The following ARHGAP12 variants were observed in gnomAD, a reference collection of about 807,000 sequenced individuals.
The protein encoded by ARHGAP12 is Rho GTPase activating protein 12.
ARHGAP12 carries 64 observed loss-of-function variants against 108.6 expected under a neutral mutation model. That is an observed-to-expected ratio of 0.59 (90% CI 0.48 to 0.73). The LOEUF (loss-of-function observed/expected upper bound fraction) is 0.73, where lower values mean the gene tolerates loss of function less well. Ranked by LOEUF, ARHGAP12 falls within the 30% of genes least tolerant of loss-of-function variation. The pLI is 0.00. For missense variants in ARHGAP12, 940 were observed against 1,005.9 expected (o/e 0.93, Z 0.89); for synonymous variants, 312 against 337.2 (o/e 0.93, Z 0.82).
intron 4 of ARHGAP12, among the ~76,000 whole-genome samples, chr10:31,859,476 C>T (rs1564394706): frequency 1.7e-5 from 2 of 118,670 alleles, no homozygotes; most frequent in Non-Finnish European, 2.0e-5. Context: ...TTTTCATACA[C>T]ACATAGTTTC....
intron 11 of ARHGAP12, among the ~76,000 whole-genome samples, chr10:31,821,205 T>C (rs1835404484): frequency 6.6e-6 from 1 of 152,142 alleles, no homozygotes; most frequent in Non-Finnish European, 1.5e-5. Context: ...CTATAAAGCA[T>C]CAGCAATTTA....
chr10:31,884,824 A>T (rs1280630759), intron 3 of ARHGAP12, among the ~76,000 whole-genome samples: 1 of 152,244 alleles, frequency 6.6e-6, no homozygotes, highest in Non-Finnish European at 1.5e-5. Flanking sequence ...TAAGCTCATG[A>T]CAACAAATCT....
rs1318759377 is a variant in ARHGAP12 at position 31,820,303 on chromosome 10, G to A, written c.1632+84C>T. On this transcript the variant is annotated intron_variant, in intron 12 of 19. Transcript: ENST00000344936. ...TTTGCCTTAACTAGTCACAATGAAAGACTATTTCCCAAAATAGCTCAAAAA... is the reference window on the plus strand; with the variant it reads ...TTTGCCTTAACTAGTCACAATGAAAAACTATTTCCCAAAATAGCTCAAAAA... The A allele has an allele frequency of 3.7e-6, 4 of 1,083,970 alleles. No homozygotes were observed. The East Asian group carries it at 1.1e-4, about 30-fold the overall frequency. The allele number at this position is 1,083,970 out of a possible 1,614,324, so 67.1% of individuals were successfully genotyped here.
chr10:31,920,706 T>C (rs1027867725), intron 1 of ARHGAP12, among the ~76,000 whole-genome samples: 2 of 152,130 alleles, frequency 1.3e-5, no homozygotes, highest in African/African-American at 4.8e-5. Flanking sequence ...ACAATAACAG[T>C]GCTGGCAAGT....
chr10:31,920,105 CAA>C (rs568653205), intron 1 of ARHGAP12, among the ~76,000 whole-genome samples: 11 of 113,766 alleles, frequency 9.7e-5, no homozygotes, highest in African/African-American at 9.9e-5. Flanking sequence ...GACTCTGTCT[CAA>C]AAAAAAAAAA....
At chr10:31,834,295 T>C (rs1380680545) in intron 9 of ARHGAP12, among the ~76,000 whole-genome samples, 1 of 152,208 alleles carries the variant, frequency 6.6e-6, no homozygotes, top group Admixed American at 6.5e-5. Flanking sequence ...TCAAATGTAA[T>C]GATACCTGGA....
At chr10:31,834,300 C>A (rs11008670) in intron 9 of ARHGAP12, among the ~76,000 whole-genome samples, 3 of 152,012 alleles carry the variant, frequency 2.0e-5, no homozygotes, top group Non-Finnish European at 4.4e-5. Flanking sequence ...TGTAATGATA[C>A]CTGGAGGTGG....
At chr10:31,811,335 CA>C (rs2132139679) in intron 15 of ARHGAP12, among the ~76,000 whole-genome samples, 1 of 152,318 alleles carries the variant, frequency 6.6e-6, no homozygotes, top group Non-Finnish European at 1.5e-5. Context: ...CACGTACCAA[CA>C]TTTGATTTCA....
At chr10:31,860,213 T>C (rs1050970742) in intron 4 of ARHGAP12, among the ~76,000 whole-genome samples, 3 of 152,226 alleles carry the variant, frequency 2.0e-5, no homozygotes, top group African/African-American at 7.2e-5. Flanking sequence ...AGTTATTAAC[T>C]ACAAAAAGCT....
chr10:31,889,974 T>C (rs1838351460), intron 3 of ARHGAP12, among the ~76,000 whole-genome samples: 1 of 152,178 alleles, frequency 6.6e-6, no homozygotes, highest in South Asian at 2.1e-4. Flanking sequence ...TACATACTTG[T>C]ACTTAGTCAT....
intron 4 of ARHGAP12, among the ~76,000 whole-genome samples, chr10:31,855,342 A>G (rs1836848686): frequency 6.6e-6 from 1 of 152,186 alleles, no homozygotes; most frequent in Non-Finnish European, 1.5e-5. Context: ...TTATTAGGTT[A>G]GCACTCATGT....
At position 31,831,627 on chromosome 10, in the gene ARHGAP12, A is replaced by C. The variant is rs572319649; in HGVS notation, c.1448+112T>G. On this transcript the variant is annotated intron_variant, in intron 10 of 19. Transcript: ENST00000344936. ...TTACATATATGATTACATAGAAAAC[A>C]AATGGTGAGAGATTCTTCAGCACCT... is the stretch of plus-strand genomic sequence containing the variant. The C allele has an allele frequency of 1.3e-5, 8 of 639,814 alleles. No individual in the cohort carries two copies. The South Asian group carries it at 2.0e-4, about 16-fold the overall frequency. 39.6% of individuals were successfully genotyped at this position (639,814 alleles called of 1,614,324 possible).
intron 13 of ARHGAP12, among the ~76,000 whole-genome samples, chr10:31,816,168 C>CGTGTATGT (rs1835194719): frequency 7.3e-6 from 1 of 136,330 alleles, no homozygotes; most frequent in African/African-American, 2.8e-5. Context: ...AAGAAAGAAA[C>CGTGTATGT]GTGTGTGTGT....
At chr10:31,847,723 G>T (rs1309879393) in intron 6 of ARHGAP12, among the ~76,000 whole-genome samples, 2 of 152,052 alleles carry the variant, frequency 1.3e-5, no homozygotes, top group African/African-American at 2.4e-5. Flanking sequence ...TGCACTGTGG[G>T]TCTAGTCAAC....
Position 31,809,279 on chromosome 10 carries a change from T to C in ARHGAP12, c.2079A>G (p.Val693=). The C allele has an allele frequency of 1.2e-6, 2 of 1,613,928 alleles. No homozygotes were observed. Among genetic ancestry groups the C allele is most frequent in the Non-Finnish European group, 1.7e-6 (2 of 1,179,842 alleles). The part of the protein sequence containing the change: ...HGLDIDGIYR[V]SGNLAVIQKL... ...TCTGGATCACTGCGAGGTTGCCACTTACTCTGTATATCCCATCAATATCCA... is the reference window on the plus strand; with the variant it reads ...TCTGGATCACTGCGAGGTTGCCACTCACTCTGTATATCCCATCAATATCCA... Residue 693 remains valine, a synonymous_variant, in exon 17 of 20, where the codon GTA becomes GTG. Coordinates refer to ENST00000344936, the MANE Select transcript of ARHGAP12 (RefSeq NM_018287.7).
chr10:31,918,633 G>C (rs1839664614), intron 1 of ARHGAP12, among the ~76,000 whole-genome samples: 1 of 152,180 alleles, frequency 6.6e-6, no homozygotes, highest in South Asian at 2.1e-4. Flanking sequence ...CTCAAGCCTG[G>C]AAGTTGAGGC....
chr10:31,881,331 G>A (rs1837948814), intron 3 of ARHGAP12, among the ~76,000 whole-genome samples: 1 of 151,874 alleles, frequency 6.6e-6, no homozygotes, highest in South Asian at 2.1e-4. Flanking sequence ...AGGAATAAAT[G>A]TCCTGGGCCC....
chr10:31,829,325 G>A (rs1408147904), intron 10 of ARHGAP12, among the ~76,000 whole-genome samples: 3 of 152,088 alleles, frequency 2.0e-5, no homozygotes, highest in Non-Finnish European at 4.4e-5. Context: ...GTTACCAAGG[G>A]CTGGGGGATG....
chr10:31,888,034 T>C (rs1180607768), intron 3 of ARHGAP12, among the ~76,000 whole-genome samples: 2 of 152,134 alleles, frequency 1.3e-5, no homozygotes, highest in African/African-American at 4.8e-5. Context: ...AGTGGTGAAC[T>C]ATAATAAGTT....
Sources: gnomAD v4.1 joint callset for allele counts (sites outside exome capture counted in the v4.1 genomes callset) on GRCh38, gnomAD v4.1.1 for gene constraint, MANE v1.5 for transcripts, NCBI Gene and HGNC (gene_info 2026-07-23, HGNC 2026-07-21) for gene names.